PDCD1LG2: variants seen among roughly 807,000 people sequenced by gnomAD.
PDCD1LG2 encodes B7 dendritic cell molecule.
PDCD1LG2 carries 32 observed loss-of-function variants against 28.2 expected under a neutral mutation model. The observed-to-expected ratio is 1.13, with a 90% CI of 0.86 to 1.52. The LOEUF (loss-of-function observed/expected upper bound fraction) is 1.52. Ranked by LOEUF, PDCD1LG2 falls within the 40% of genes most tolerant of loss-of-function variation. The probability of loss-of-function intolerance (pLI) is 0.00; values close to 1 mark genes in which losing one functional copy is unlikely to be tolerated. For synonymous variants in PDCD1LG2, 116 were observed against 120.2 expected, an observed-to-expected ratio of 0.97 and a Z score of 0.23; for missense variants, 385 against 323.8, an observed-to-expected ratio of 1.19 and a Z score of -1.45.
At chr9:5,557,547 C>G (rs2129919435) in intron 4 of PDCD1LG2, 71 bp from the exon 5 acceptor site, 1 of 1,552,784 alleles carries the variant, frequency 6.4e-7, no homozygotes, top group Non-Finnish European at 8.9e-7. Flanking sequence ...GTCACCCACT[C>G]ATGTGGCCAG....
intron 1 of PDCD1LG2, among the ~76,000 whole-genome samples, chr9:5,512,157 C>G (rs1820072752): frequency 6.6e-6 from 1 of 152,160 alleles, no homozygotes; most frequent in African/African-American, 2.4e-5. Context: ...CATTTTAATT[C>G]CACATGCTAA....
chr9:5,529,933 C>T (rs1412089966), intron 2 of PDCD1LG2, among the ~76,000 whole-genome samples: 1 of 152,174 alleles, frequency 6.6e-6, no homozygotes, highest in Non-Finnish European at 1.5e-5. Context: ...TGTCCTAAAC[C>T]AGGAACTTCA....
chr9:5,567,307 T>A (rs114230658), intron 6 of PDCD1LG2, among the ~76,000 whole-genome samples: 1 of 152,334 alleles, frequency 6.6e-6, no homozygotes, highest in African/African-American at 2.4e-5. Context: ...CATAAGGTCA[T>A]ATCATAACTT....
intron 3 of PDCD1LG2, among the ~76,000 whole-genome samples, chr9:5,538,598 G>A (rs1364539988): frequency 1.3e-5 from 2 of 151,936 alleles, no homozygotes; most frequent in Non-Finnish European, 2.9e-5. Context: ...TGAGGCAGGA[G>A]AATGGCGTTA....
At chr9:5,512,914 C>T (rs1820089087) in intron 1 of PDCD1LG2, among the ~76,000 whole-genome samples, 1 of 152,132 alleles carries the variant, frequency 6.6e-6, no homozygotes, top group African/African-American at 2.4e-5. Flanking sequence ...GATCAGCAGT[C>T]AATTGTTTTG....
At chr9:5,542,924 C>T (rs1820713118) in intron 3 of PDCD1LG2, among the ~76,000 whole-genome samples, 1 of 152,064 alleles carries the variant, frequency 6.6e-6, no homozygotes, top group Admixed American at 6.6e-5. Flanking sequence ...ATATATGGAA[C>T]CAGCCCAAAT....
At chr9:5,516,437 G>GT (rs761755733) in intron 1 of PDCD1LG2, among the ~76,000 whole-genome samples, 1 of 152,226 alleles carries the variant, frequency 6.6e-6, no homozygotes, top group African/African-American at 2.4e-5. Flanking sequence ...AAAAAGCACT[G>GT]TAAGTTCTTA....
At chr9:5,529,333 T>C (rs1820438517) in intron 2 of PDCD1LG2, among the ~76,000 whole-genome samples, 1 of 152,208 alleles carries the variant, frequency 6.6e-6, no homozygotes, top group African/African-American at 2.4e-5. Context: ...ATATAAGGTG[T>C]GATGTATAGG....
At chr9:5,515,291 A>G (rs1820135696) in intron 1 of PDCD1LG2, among the ~76,000 whole-genome samples, 1 of 152,186 alleles carries the variant, frequency 6.6e-6, no homozygotes, top group African/African-American at 2.4e-5. Flanking sequence ...AAAAGGGGAG[A>G]CTTAAGAGGT....
chr9:5,511,824 T>C (rs59172250), intron 1 of PDCD1LG2, among the ~76,000 whole-genome samples: 1,824 of 152,314 alleles, frequency 0.012, 41 homozygotes, highest in African/African-American at 0.042. Flanking sequence ...TCTCCCCAGA[T>C]TTCTCCTGTT....
intron 2 of PDCD1LG2, among the ~76,000 whole-genome samples, chr9:5,525,782 C>T (rs759370821): frequency 8.5e-5 from 13 of 152,114 alleles, no homozygotes; most frequent in African/African-American, 2.4e-4. Flanking sequence ...GGCATGGTGG[C>T]TCACGCCTGT....
At chr9:5,523,432 G>C (rs1333361092) in intron 2 of PDCD1LG2, among the ~76,000 whole-genome samples, 1 of 152,166 alleles carries the variant, frequency 6.6e-6, no homozygotes, top group African/African-American at 2.4e-5. Context: ...CTTGGCACTT[G>C]ATAACCTTTC....
chr9:5,516,235 T>C (rs1443876270), intron 1 of PDCD1LG2, among the ~76,000 whole-genome samples: 1 of 152,196 alleles, frequency 6.6e-6, no homozygotes, highest in Non-Finnish European at 1.5e-5. Context: ...GTATTTTTAG[T>C]AGAGACGGGG....
intron 3 of PDCD1LG2, among the ~76,000 whole-genome samples, chr9:5,540,968 A>C (rs1820676529): frequency 6.6e-6 from 1 of 152,184 alleles, no homozygotes; most frequent in African/African-American, 2.4e-5. Flanking sequence ...TCCTCAACAA[A>C]ATACTAGCTA....
At chr9:5,542,766 G>T (rs1192898927) in intron 3 of PDCD1LG2, among the ~76,000 whole-genome samples, 1 of 152,166 alleles carries the variant, frequency 6.6e-6, no homozygotes, top group Non-Finnish European at 1.5e-5. Flanking sequence ...GGAAAACAGT[G>T]TGGAGATTCC....
At chr9:5,552,483 C>A (rs1816354515) in intron 4 of PDCD1LG2, among the ~76,000 whole-genome samples, 1 of 152,096 alleles carries the variant, frequency 6.6e-6, no homozygotes, top group South Asian at 2.1e-4. Context: ...GAGGGGCCAA[C>A]CTGCAGCACT....
intron 2 of PDCD1LG2, among the ~76,000 whole-genome samples, chr9:5,526,586 T>A (rs1472070399): frequency 6.6e-6 from 1 of 152,140 alleles, no homozygotes; most frequent in Non-Finnish European, 1.5e-5. Context: ...TACAGGCATG[T>A]ACCACCCGGT....
intron 2 of PDCD1LG2, among the ~76,000 whole-genome samples, chr9:5,531,358 T>C (rs1820480788): frequency 6.6e-6 from 1 of 152,232 alleles, no homozygotes; most frequent in African/African-American, 2.4e-5. Context: ...GTAATCAAGC[T>C]CAAAGTTTGC....
At position 5,560,508 on chromosome 9, in the gene PDCD1LG2, C is replaced by A. The variant is rs374217254; in HGVS notation, c.767-2654C>A. Among the ~76,000 whole-genome samples, 13 of 152,250 alleles carry A rather than the reference C, an allele frequency of 8.5e-5. No individual in the cohort carries two copies. The South Asian group carries it at 2.3e-3, about 27-fold the overall frequency. ...CTACAAGATTACAGTTCTTATGGTTCCCCAACACATGCTCTGTCATTGGTC... is the reference window on the plus strand; with the variant it reads ...CTACAAGATTACAGTTCTTATGGTTACCCAACACATGCTCTGTCATTGGTC... On this transcript the variant is annotated intron_variant, in intron 5 of 6. Coordinates refer to ENST00000397747, the MANE Select transcript of PDCD1LG2 (RefSeq NM_025239.4).
Sources: gnomAD v4.1 joint callset for allele counts (sites outside exome capture counted in the v4.1 genomes callset) on GRCh38, gnomAD v4.1.1 for gene constraint, MANE v1.5 for transcripts, NCBI Gene and HGNC (gene_info 2026-07-23, HGNC 2026-07-21) for gene names.